CREBBP: variants seen among roughly 807,000 people sequenced by gnomAD.
CREBBP encodes the protein CREB-binding protein.
A neutral mutation model predicts 265.0 loss-of-function variants in CREBBP; 19 were observed. The observed-to-expected ratio is 0.07, with a 90% CI of 0.05 to 0.11. The LOEUF is 0.11. Among genes scored for constraint, CREBBP ranks in the 10% least tolerant of loss-of-function variants. CREBBP has a pLI of 1.00. For synonymous variants in CREBBP, 1,457 were observed against 1,223.7 expected (o/e 1.19, Z -3.98); for missense variants, 2,525 against 3,219.0 (o/e 0.78, Z 5.22).
chr16:3,743,968 C>T (rs1468641666), intron 23 of CREBBP, among the ~76,000 whole-genome samples: 4 of 151,916 alleles, frequency 2.6e-5, no homozygotes, highest in East Asian at 1.9e-4. Flanking sequence ...CCCAGCTACT[C>T]GGGAGGCTGA....
intron 15 of CREBBP, 146 bp from the exon 16 acceptor site, chr16:3,768,055 GGAA>G (rs2052900955): frequency 1.4e-6 from 1 of 716,740 alleles, no homozygotes; most frequent in Non-Finnish European, 2.4e-6. Context: ...CTTCTCTTCC[GGAA>G]GAAGAAATAA....
rs138353979 is a variant in CREBBP at position 3,780,797 on chromosome 16, G to T, written c.1758C>A (p.Thr586=). ...GTTCGTGCCAGCCTTTCCTTACACC[G>T]GTGCTAGAAGGAGGAGCTGCTGTTG... ...TIPTAAPPSS[T]GVRKGWHEHV... is the part of the protein sequence containing the mutation. The change falls in exon 8 of 31, where the codon ACC becomes ACA. Residue 586 remains threonine (T), a synonymous_variant. Transcript: ENST00000262367. The T allele has an allele frequency of 6.2e-7, 1 of 1,613,866 alleles. No homozygotes were observed. Among genetic ancestry groups the T allele is most frequent in the Admixed American group, 1.7e-5 (1 of 59,988 alleles).
At chr16:3,789,868 G>A (rs1205785400) in intron 5 of CREBBP, among the ~76,000 whole-genome samples, 1 of 150,968 alleles carries the variant, frequency 6.6e-6, no homozygotes, top group East Asian at 1.9e-4. Flanking sequence ...CACTCAGGCC[G>A]TTATAAGGAT....
In CREBBP at chr16:3,839,317, C is replaced by T. The variant is rs986988410; in HGVS notation, c.798+10980G>A. Among the ~76,000 whole-genome samples the T allele has an allele frequency of 3.3e-5, 5 of 152,336 alleles. No homozygotes were observed. In the East Asian group the frequency reaches 7.7e-4, roughly 24 times the overall value. ...TACTACTGCTGCTGCAGTAAGTACACTAACTACTATGTGCGTGTCAATCCA... is the reference window on the plus strand; with the variant it reads ...TACTACTGCTGCTGCAGTAAGTACATTAACTACTATGTGCGTGTCAATCCA... On this transcript the variant is annotated intron_variant, in intron 2 of 30. Coordinates refer to ENST00000262367, the MANE Select transcript of CREBBP (RefSeq NM_004380.3).
At chr16:3,733,852 A>C (rs1216550477) in intron 28 of CREBBP, among the ~76,000 whole-genome samples, 1 of 152,006 alleles carries the variant, frequency 6.6e-6, no homozygotes, top group Admixed American at 6.6e-5. Flanking sequence ...ATGTTGGCCA[A>C]GCTGGTCTCA....
At chr16:3,830,338 G>A (rs1438295470) in intron 2 of CREBBP, among the ~76,000 whole-genome samples, 1 of 152,084 alleles carries the variant, frequency 6.6e-6, no homozygotes, top group Non-Finnish European at 1.5e-5. Context: ...GGGGGCAGAG[G>A]TTGCAGGGAG....
At chr16:3,800,785 C>T (rs866183228) in intron 3 of CREBBP, among the ~76,000 whole-genome samples, 2 of 152,116 alleles carry the variant, frequency 1.3e-5, no homozygotes, top group Non-Finnish European at 2.9e-5. Context: ...GCCCCATGGG[C>T]GACTCCAATG....
intron 19 of CREBBP, 64 bp downstream of exon 19, chr16:3,757,224 A>C (rs1248528679): frequency 7.6e-7 from 1 of 1,318,846 alleles, no homozygotes; most frequent in Non-Finnish European, 1.1e-6. Context: ...TAATGTACAC[A>C]GACTATAACC....
At chr16:3,843,059 C>T (rs1485750497) in intron 2 of CREBBP, among the ~76,000 whole-genome samples, 5 of 150,472 alleles carry the variant, frequency 3.3e-5, no homozygotes, top group African/African-American at 9.8e-5. Flanking sequence ...CACATTTTTG[C>T]ACAGCTTTAA....
At chr16:3,747,367 G>A (rs2052366327) in intron 21 of CREBBP, among the ~76,000 whole-genome samples, 2 of 152,158 alleles carry the variant, frequency 1.3e-5, no homozygotes, top group African/African-American at 4.8e-5. Context: ...CCACTCTAGG[G>A]GCCTTGTAGT....
intron 2 of CREBBP, among the ~76,000 whole-genome samples, chr16:3,847,978 G>C (rs537334750): frequency 1.3e-5 from 2 of 152,100 alleles, no homozygotes; most frequent in Non-Finnish European, 2.9e-5. Flanking sequence ...AGACCAGCTT[G>C]GCCAACATGG....
chr16:3,813,434 T>C (rs2141355798), intron 2 of CREBBP, among the ~76,000 whole-genome samples: 1 of 152,316 alleles, frequency 6.6e-6, no homozygotes, highest in East Asian at 1.9e-4. Flanking sequence ...ATCTGAAACT[T>C]AATTGAAGCA....
At chr16:3,852,494 A>G in intron 1 of CREBBP, among the ~76,000 whole-genome samples, 1 of 152,190 alleles carries the variant, frequency 6.6e-6, no homozygotes, top group Non-Finnish European at 1.5e-5. Flanking sequence ...AAAAGTTAAA[A>G]TACAAGAAGT....
rs2053255848 is a variant in CREBBP, at chr16:3,780,795, C to T, written c.1760G>A (p.Gly587Asp). Reference sequence around the variant, plus strand: ...ATGTTCGTGCCAGCCTTTCCTTACACCGGTGCTAGAAGGAGGAGCTGCTGT... The same window carrying T: ...ATGTTCGTGCCAGCCTTTCCTTACATCGGTGCTAGAAGGAGGAGCTGCTGT... ...IPTAAPPSST[G>D]VRKGWHEHVT... Residue 587 changes from glycine to aspartate, a missense_variant, in exon 8 of 31, where the codon GGT becomes GAT. By Grantham distance (94) the Gly-to-Asp change is moderately conservative. Transcript: ENST00000262367. The T allele has an allele frequency of 3.7e-6, 6 of 1,613,910 alleles. No homozygotes were observed. The highest frequency in any genetic ancestry group is 4.5e-5 in the East Asian group (2 of 44,890).
intron 19 of CREBBP, among the ~76,000 whole-genome samples, 153 bp downstream of exon 19, chr16:3,757,135 A>C (rs762595222): frequency 1.3e-5 from 2 of 152,160 alleles, no homozygotes; most frequent in Non-Finnish European, 2.9e-5. Flanking sequence ...CAGCCTCCCA[A>C]AGTGCTGGGA....
At chr16:3,779,115 T>C (rs2053214624) in intron 8 of CREBBP, among the ~76,000 whole-genome samples, 1 of 149,974 alleles carries the variant, frequency 6.7e-6, no homozygotes, top group Admixed American at 6.7e-5. Flanking sequence ...TGCAGTGAGC[T>C]GAGATCGTGC....
chr16:3,734,451 T>C (rs1394419539), intron 28 of CREBBP, among the ~76,000 whole-genome samples: 4 of 152,132 alleles, frequency 2.6e-5, no homozygotes, highest in Non-Finnish European at 5.9e-5. Context: ...ATCAGGCCTG[T>C]CTTCTGGACA....
intron 16 of CREBBP, among the ~76,000 whole-genome samples, chr16:3,764,783 A>C (rs75520688): frequency 0.041 from 6,250 of 151,854 alleles, 320 homozygotes; most frequent in East Asian, 0.2. Context: ...GGGTCTTACT[A>C]TGTTGCCCAG....
intron 1 of CREBBP, among the ~76,000 whole-genome samples, chr16:3,865,096 T>C (rs577079795): frequency 1.3e-5 from 2 of 152,340 alleles, no homozygotes; most frequent in Admixed American, 6.5e-5. Context: ...TCTAGCAATG[T>C]ATACCTGGAG....
Sources: gnomAD v4.1 joint callset for allele counts (sites outside exome capture counted in the v4.1 genomes callset) on GRCh38, gnomAD v4.1.1 for gene constraint, MANE v1.5 for transcripts, NCBI Gene and HGNC (gene_info 2026-07-23, HGNC 2026-07-21) for gene names.